The following MELTF variants were observed in gnomAD, a reference collection of about 807,000 sequenced individuals.
MELTF encodes melanotransferrin, also known as antigen p97 (melanoma associated) identified by monoclonal antibodies 133.2 and 96.5.
In MELTF, 67 loss-of-function variants were observed where a neutral mutation model predicts 83.7. That is an observed-to-expected ratio of 0.80 (90% confidence interval 0.66 to 0.98). MELTF has a LOEUF of 0.98. MELTF is among the 50% of genes least tolerant of loss of function. MELTF has a pLI of 0.00. For missense variants in MELTF, 1,002 were observed against 1,035.6 expected (o/e 0.97, Z 0.44); for synonymous variants, 462 against 447.6 (o/e 1.03, Z -0.41).
chr3:197,017,005 T>C, intron 7 of MELTF, 98 bp downstream of exon 7: 1 of 1,333,224 alleles, frequency 7.5e-7, no homozygotes, highest in Non-Finnish European at 1.0e-6. Flanking sequence ...AAGGACAGTC[T>C]CTGGGTCCTG....
At chr3:197,027,674 T>C in intron 2 of MELTF, 82 bp downstream of exon 2, 3 of 1,479,476 alleles carry the variant, frequency 2.0e-6, no homozygotes, top group Non-Finnish European at 9.1e-7. Context: ...GGTCGGCTCC[T>C]TTCCTGGTGA....
At position 197,004,082 on chromosome 3, in the gene MELTF, G is replaced by A. The variant is rs747081547; in HGVS notation, c.1956C>T (p.Asp652=). 1 of 1,614,150 alleles carries A rather than the reference G, an allele frequency of 6.2e-7. No individual in the cohort carries two copies. Among genetic ancestry groups the A allele is most frequent in the Admixed American group, 1.7e-5 (1 of 60,036 alleles). The change falls in exon 15 of 16, where the codon GAC becomes GAT. Residue 652 remains aspartate (D), a synonymous_variant. Coordinates refer to ENST00000296350, the MANE Select transcript of MELTF (RefSeq NM_005929.6). ...LDKAQDLFGD[D]HNKNGFKMFD... The stretch of plus-strand genomic sequence containing the variant: ...ACATTTTGAACCCGTTCTTATTGTG[G>A]TCGTCTCCAAACAGGTCCTGGAAGC...
At chr3:197,026,542 T>C (rs190720836) in intron 3 of MELTF, 118 bp downstream of exon 3, 254 of 866,594 alleles carry the variant, frequency 2.9e-4, no homozygotes, top group Admixed American at 9.8e-4. Context: ...TGGCTGGGAC[T>C]CCAGGACTGC....
At chr3:197,020,021 G>A (rs1719558736) in intron 6 of MELTF, among the ~76,000 whole-genome samples, 2 of 152,130 alleles carry the variant, frequency 1.3e-5, no homozygotes, top group Non-Finnish European at 2.9e-5. Context: ...TTATACAACT[G>A]CATGTATTTG....
chr3:197,006,496 T>A lies in MELTF; in HGVS notation c.1938+53A>T. ...AGGTAGACTGAGGCCTCCCAGGGGCTCAGCTTACCTCTGCTGCACACCCCT... is the reference window on the plus strand; with the variant it reads ...AGGTAGACTGAGGCCTCCCAGGGGCACAGCTTACCTCTGCTGCACACCCCT... On this transcript the variant is annotated intron_variant, in intron 14 of 15. Transcript: ENST00000296350. This position sits in a 1 kb window ranked among gnomAD's most constrained non-coding sequence, Gnocchi z 5.4. 1 of 1,538,456 alleles carries A rather than the reference T, an allele frequency of 6.5e-7. No homozygotes were observed. The highest frequency in any genetic ancestry group is 1.2e-5 in the South Asian group (1 of 82,142).
Position 197,029,683 on chromosome 3 carries a change from G to T in MELTF, c.20C>A (p.Ala7Asp). The T allele has an allele frequency of 8.0e-7, 1 of 1,245,368 alleles. No homozygotes were observed. Among genetic ancestry groups the T allele is most frequent in the Non-Finnish European group, 1.0e-6 (1 of 995,904 alleles). 77.1% of individuals were successfully genotyped at this position (1,245,368 alleles called of 1,614,324 possible). Residue 7 changes from alanine to aspartate, a missense_variant, in exon 1 of 16, where the codon GCT becomes GAT. Ala to Asp is a moderately radical substitution (Grantham distance 126, BLOSUM62 -2). Coordinates refer to ENST00000296350, the MANE Select transcript of MELTF (RefSeq NM_005929.6). The surrounding 1 kb of genome is among the most constrained non-coding windows in gnomAD (Gnocchi z 6.5). ...GCGCAGAGCCAGGAGCAGCCACAGAGCCCCGCTCGGACCCCGCATGGCGCC... is the reference window on the plus strand; with the variant it reads ...GCGCAGAGCCAGGAGCAGCCACAGATCCCCGCTCGGACCCCGCATGGCGCC... MRGPSG[A>D]LWLLLALRTV...
Position 197,029,282 on chromosome 3 carries a change from C to A in MELTF, c.49+372G>T. The A allele has an allele frequency of 5.0e-6, 1 of 199,862 alleles. No homozygotes were observed. The highest frequency in any genetic ancestry group is 1.0e-5 in the Non-Finnish European group (1 of 99,332). The allele number at this position is 199,862 out of a possible 1,614,324, so 12.4% of individuals were successfully genotyped here. On this transcript the variant is annotated intron_variant, in intron 1 of 15. Coordinates refer to ENST00000296350, the MANE Select transcript of MELTF (RefSeq NM_005929.6). This position sits in a 1 kb window ranked among gnomAD's most constrained non-coding sequence, Gnocchi z 6.5. ...CTCTGAATCTTCTCCCGCGGGGGCT[C>A]GGGAGAAAGAGCTGCTCCGAGCCCC...
In MELTF at chr3:197,003,519, T is replaced by TGGTGTG. The variant is rs372153753; in HGVS notation, c.2138-69_2138-68insCACACC. ...CGGTGGCCGCCTCAGGCGCCCGCTC[T>TGGTGTG]GGGGTGGGGGTGGGGGCATCTTTCG... On this transcript the variant is annotated intron_variant, in intron 15 of 15. Coordinates refer to ENST00000296350, the MANE Select transcript of MELTF (RefSeq NM_005929.6). This position sits in a 1 kb window ranked among gnomAD's most constrained non-coding sequence, Gnocchi z 6.2. 2 of 163,104 alleles carry TGGTGTG rather than the reference T, an allele frequency of 1.2e-5. No homozygotes were observed. The highest frequency in any genetic ancestry group is 2.0e-5 in the Non-Finnish European group (2 of 99,224). 10.1% of individuals were successfully genotyped at this position (163,104 alleles called of 1,614,324 possible).
intron 6 of MELTF, chr3:197,019,530 G>C (rs1187707203): frequency 9.8e-6 from 15 of 1,534,738 alleles, no homozygotes; most frequent in Non-Finnish European, 1.3e-5. Flanking sequence ...TTGAGGCTGG[G>C]GGTTTGAGAC....
At chr3:197,012,237 G>A (rs1719212141) in intron 9 of MELTF, among the ~76,000 whole-genome samples, 1 of 152,184 alleles carries the variant, frequency 6.6e-6, no homozygotes. Flanking sequence ...CCTGGCTCAG[G>A]CAACGCGGTG....
chr3:197,027,011 T>TA (rs1719884646), intron 2 of MELTF: 1 of 498,372 alleles, frequency 2.0e-6, no homozygotes, highest in Non-Finnish European at 3.6e-6. Flanking sequence ...GATATCATAG[T>TA]AAAAAAATCA....
chr3:197,021,301 G>C, intron 6 of MELTF, 103 bp downstream of exon 6: 1 of 1,069,824 alleles, frequency 9.3e-7, no homozygotes, highest in East Asian at 2.5e-5. Context: ...GAGCAGCACT[G>C]CACTAGGGCG....
intron 8 of MELTF, among the ~76,000 whole-genome samples, chr3:197,015,922 G>C (rs999267650): frequency 5.3e-5 from 8 of 152,148 alleles, no homozygotes; most frequent in Non-Finnish European, 1.2e-4. Flanking sequence ...CCGTGGATGG[G>C]GGGGCGAGGA....
In MELTF at chr3:197,008,809, C is replaced by T; in HGVS notation, c.1682G>A (p.Arg561Lys). 2 of 1,614,126 alleles carry T rather than the reference C, an allele frequency of 1.2e-6. No homozygotes were observed. The highest frequency in any genetic ancestry group is 1.1e-5 in the South Asian group (1 of 91,080). ...ERYYGYRGAF[R>K]CLVENAGDVA... ...CCAGACTGCCAGGCCACCCGGGTAC[C>T]TGAAGGCGCCGCGGTAGCCGTAATA... is the stretch of plus-strand genomic sequence containing the variant. The change falls in exon 12 of 16, where the codon AGG becomes AAG. Residue 561 changes from arginine (R) to lysine (K), a missense_variant and splice_region_variant. Coordinates refer to ENST00000296350, the MANE Select transcript of MELTF (RefSeq NM_005929.6). This position sits in a 1 kb window ranked among gnomAD's most constrained non-coding sequence, Gnocchi z 5.4.
intron 3 of MELTF, among the ~76,000 whole-genome samples, chr3:197,025,389 G>A (rs1719811912): frequency 6.6e-6 from 1 of 152,196 alleles, no homozygotes; most frequent in Non-Finnish European, 1.5e-5. Context: ...CCAATCCTCT[G>A]GACCGCCTGA....
chr3:197,010,515 C>T (rs1388172875), intron 10 of MELTF, among the ~76,000 whole-genome samples, 183 bp downstream of exon 10: 2 of 152,198 alleles, frequency 1.3e-5, no homozygotes, highest in Non-Finnish European at 2.9e-5. Flanking sequence ...CCCTTAGAGA[C>T]GTTTGTTGAA....
In MELTF at chr3:197,011,591, G is replaced by C. The variant is rs778749725; in HGVS notation, c.1234-797C>G. On this transcript the variant is annotated intron_variant, in intron 9 of 15. Coordinates refer to ENST00000296350, the MANE Select transcript of MELTF (RefSeq NM_005929.6). This position sits in a 1 kb window ranked among gnomAD's most constrained non-coding sequence, Gnocchi z 4.2. ...GTGATGGCGGTTAATAACAGGCAGC[G>C]GCGTTGATATTTGGGGCCAGGAGGG... 6.6e-6 allele frequency among the ~76,000 whole-genome samples: 1 copy of C among 152,178 alleles called. No individual in the cohort carries two copies. Among genetic ancestry groups the C allele is most frequent in the East Asian group, 1.9e-4 (1 of 5,186 alleles).
chr3:197,019,654 T>C lies in MELTF; in HGVS notation c.712+1750A>G, dbSNP rs145844728. 908 of 1,612,810 alleles carry C rather than the reference T, an allele frequency of 5.6e-4. 9 individuals carry two copies. In the African/African-American group the frequency reaches 0.011, roughly 20 times the overall value. On this transcript the variant is annotated intron_variant, in intron 6 of 15. Coordinates refer to ENST00000296350, the MANE Select transcript of MELTF (RefSeq NM_005929.6). ...TGCCCGTTTTCCAAATTCTCCTTTG[T>C]CAGACTCGTCCTGGGGCCTGTGAAC... is the stretch of plus-strand genomic sequence containing the variant.
In MELTF at chr3:197,011,297, T is replaced by C. The variant is rs1419195846; in HGVS notation, c.1234-503A>G. ...GGGAGGAGGCTTCAGGGCTGAGGGA[T>C]GGAGCTCTGCCTGCGGAGGCGCGGG... is the stretch of plus-strand genomic sequence containing the variant. On this transcript the variant is annotated intron_variant, in intron 9 of 15. Transcript: ENST00000296350. The surrounding 1 kb of genome is among the most constrained non-coding windows in gnomAD (Gnocchi z 4.2). Among the ~76,000 whole-genome samples the C allele has an allele frequency of 1.3e-5, 2 of 152,208 alleles. No individual in the cohort carries two copies. Among genetic ancestry groups the C allele is most frequent in the African/African-American group, 2.4e-5 (1 of 41,458 alleles).
Sources: gnomAD v4.1 joint callset for allele counts (sites outside exome capture counted in the v4.1 genomes callset) on GRCh38, gnomAD v4.1.1 for gene constraint, Gnocchi (gnomAD v3.1) non-coding constraint, MANE v1.5 for transcripts, NCBI Gene and HGNC (gene_info 2026-07-23, HGNC 2026-07-21) for gene names.